Variants in TEX14 observed in about 807,000 individuals in gnomAD.
TEX14 encodes the protein testis expressed 14, intercellular bridge forming factor.
In TEX14, 168 loss-of-function variants were observed where a neutral mutation model predicts 178.6. That is an observed-to-expected ratio of 0.94 (90% CI 0.83 to 1.07). The LOEUF (loss-of-function observed/expected upper bound fraction) is 1.07, where lower values mean the gene tolerates loss of function less well. TEX14 is among the 50% of genes least tolerant of loss of function. The pLI, the probability that TEX14 is intolerant of heterozygous loss-of-function variation, is 0.00. For missense variants in TEX14, 1,730 were observed against 1,753.6 expected, an observed-to-expected ratio of 0.99 and a Z score of 0.24; for synonymous variants, 626 against 634.1, an observed-to-expected ratio of 0.99 and a Z score of 0.19.
At chr17:58,602,052 T>C in intron 12 of TEX14, 96 bp from the exon 13 acceptor site, 1 of 1,326,162 alleles carries the variant, frequency 7.5e-7, no homozygotes, top group Non-Finnish European at 1.1e-6. Context: ...AAACTCCCTC[T>C]TATTCCTGTT....
chr17:58,618,031 C>T (rs574685960), intron 5 of TEX14, among the ~76,000 whole-genome samples: 16 of 152,334 alleles, frequency 1.1e-4, no homozygotes, highest in East Asian at 5.8e-4. Context: ...TTGCCAGCCA[C>T]GTAAGCGAGC....
chr17:58,618,285 C>T (rs1368654421), intron 5 of TEX14, among the ~76,000 whole-genome samples: 1 of 152,152 alleles, frequency 6.6e-6, no homozygotes, highest in Non-Finnish European at 1.5e-5. Context: ...TTGGAAATAA[C>T]CATAAGCACA....
chr17:58,649,540 T>C (rs1598417684), intron 2 of TEX14, among the ~76,000 whole-genome samples: 1 of 152,220 alleles, frequency 6.6e-6, no homozygotes, highest in Admixed American at 6.5e-5. Context: ...CAGGTACACA[T>C]GTTAACCCCA....
intron 1 of TEX14, among the ~76,000 whole-genome samples, chr17:58,681,886 T>A (rs566265177): frequency 6.6e-6 from 1 of 151,682 alleles, no homozygotes; most frequent in East Asian, 1.9e-4. Context: ...AGAAATCTGG[T>A]GGAACAACTC....
chr17:58,652,119 G>A, intron 1 of TEX14, 117 bp from the exon 2 acceptor site: 2 of 733,576 alleles, frequency 2.7e-6, no homozygotes, highest in Non-Finnish European at 4.1e-6. Flanking sequence ...TGAAGATTAG[G>A]GGAATAATTA....
chr17:58,584,430 A>G (rs1271950535), intron 19 of TEX14, 70 bp downstream of exon 19: 13 of 1,167,464 alleles, frequency 1.1e-5, no homozygotes, highest in Admixed American at 5.1e-5. Context: ...GTCATAACAC[A>G]TAACAATAAC....
In TEX14 at chr17:58,602,543, C is replaced by T. The variant is rs34960869; in HGVS notation, c.1384G>A (p.Val462Ile). The change falls in exon 12 of 32, where the codon GTA (valine) becomes ATA (isoleucine). Residue 462 changes from valine to isoleucine, a missense_variant. By Grantham distance (29) the Val-to-Ile change is conservative. Around this residue, in one of 2 missense-constraint regions of TEX14, gnomAD observed 789 missense variants for 681.2 expected, o/e 1.16. Transcript: ENST00000349033. ...GLDGSVVKKA[V>I]VSGNYLEADV... is the part of the protein sequence containing the mutation. ...GCTTCTAAATAATTCCCCGAGACTA[C>T]GGCTTTTTTAACAACTGAGCCATCT... 5.1e-5 allele frequency: 82 copies of T among 1,613,816 alleles called. 1 individual carries two copies. The African/African-American group carries it at 6.0e-4, about 12-fold the overall frequency.
chr17:58,651,941 C>A lies in TEX14; in HGVS notation c.61G>T (p.Asp21Tyr), dbSNP rs1268238236. ...TCATGAAGCTGAGCTTCCAGGGAGT[C>A]ATTTCTTAAGGTACCAAGTTGAACA... ...CPVQLGTLRN[D>Y]SLEAQLHEYV... The change falls in exon 2 of 32, where the codon GAC (aspartate) becomes TAC (tyrosine). Residue 21 changes from aspartate to tyrosine, a missense_variant. Physicochemically the swap from Asp to Tyr is radical, Grantham distance 160 (BLOSUM62 -3). Coordinates refer to ENST00000349033, the MANE Select transcript of TEX14 (RefSeq NM_031272.5). The A allele has an allele frequency of 6.2e-7, 1 of 1,613,330 alleles. No individual in the cohort carries two copies. The highest frequency in any genetic ancestry group is 8.5e-7 in the Non-Finnish European group (1 of 1,179,826).
At chr17:58,631,599 A>AAACC (rs1205727053) in intron 2 of TEX14, 1 of 148,696 alleles carries the variant, frequency 6.7e-6, no homozygotes, top group Admixed American at 6.7e-5. Context: ...AAACATGAGG[A>AAACC]AACCAACTAC....
chr17:58,629,251 G>A (rs141649117), intron 3 of TEX14, among the ~76,000 whole-genome samples: 1,714 of 152,090 alleles, frequency 0.011, 36 homozygotes, highest in African/African-American at 0.04. Flanking sequence ...CCAGGAGTTC[G>A]AGACCAGCCT....
Position 58,602,081 on chromosome 17 carries a change from C to T in TEX14, c.1528-125G>A, listed in dbSNP as rs1480995229. Reference sequence around the variant, plus strand: ...TCCTGTTGGGTAGACTGACTTTAGTCCTAATTAACTAGTTTATTGTTATTG... The same window carrying T: ...TCCTGTTGGGTAGACTGACTTTAGTTCTAATTAACTAGTTTATTGTTATTG... On this transcript the variant is annotated intron_variant, in intron 12 of 31. Coordinates refer to ENST00000349033, the MANE Select transcript of TEX14 (RefSeq NM_031272.5). The T allele has an allele frequency of 1.5e-5, 14 of 963,446 alleles. 1 individual carries two copies. The highest frequency in any genetic ancestry group is 8.0e-5 in the Admixed American group (3 of 37,620). 59.7% of individuals were successfully genotyped at this position (963,446 alleles called of 1,614,324 possible).
At position 58,599,490 on chromosome 17, in the gene TEX14, T is replaced by C. The variant is rs376931367; in HGVS notation, c.1855A>G (p.Ser619Gly). 3.2e-5 allele frequency: 52 copies of C among 1,605,264 alleles called. No individual in the cohort carries two copies. The South Asian group carries it at 5.5e-4, about 17-fold the overall frequency. Reference sequence around the variant, plus strand: ...GAGTAGATCTCGTTGATTTCGAAACTGCAGAGGCTTGGCTGACCTGTGCTG... The same window carrying C: ...GAGTAGATCTCGTTGATTTCGAAACCGCAGAGGCTTGGCTGACCTGTGCTG... The part of the protein sequence containing the change: ...SPSTGQPSLC[S>G]FEINEIYSGC... Residue 619 changes from serine (S) to glycine (G), a missense_variant, in exon 14 of 32, where the codon AGT becomes GGT. By Grantham distance (56) the Ser-to-Gly change is moderately conservative (BLOSUM62 0). Transcript: ENST00000349033.
chr17:58,614,798 C>T (rs1248421941), intron 8 of TEX14, among the ~76,000 whole-genome samples: 1 of 152,218 alleles, frequency 6.6e-6, no homozygotes, highest in Admixed American at 6.5e-5. Context: ...TCTGGAGATC[C>T]ATGAGCCTGT....
chr17:58,584,739 CAG>C, intron 18 of TEX14, 139 bp from the exon 19 acceptor site: 1 of 686,586 alleles, frequency 1.5e-6, no homozygotes, highest in Non-Finnish European at 2.5e-6. Flanking sequence ...AGGTTCAGTC[CAG>C]AGAGTAGAGA....
intron 26 of TEX14, among the ~76,000 whole-genome samples, chr17:58,567,113 G>A (rs1208037132): frequency 6.6e-6 from 1 of 152,186 alleles, no homozygotes; most frequent in Admixed American, 6.5e-5. Flanking sequence ...GTTGCAGTGA[G>A]CTGAGATCAC....
intron 28 of TEX14, among the ~76,000 whole-genome samples, chr17:58,563,970 T>C (rs913350838): frequency 4.0e-5 from 6 of 151,176 alleles, no homozygotes; most frequent in African/African-American, 1.5e-4. Context: ...CTCACACCCA[T>C]TAGGATGGCT....
chr17:58,569,233 T>C lies in TEX14; in HGVS notation c.3845A>G (p.Asp1282Gly), dbSNP rs1218608566. The stretch of plus-strand genomic sequence containing the variant: ...CTCCTGAGATGGTGGTGGCAGCTCA[T>C]CAATGTGATGCTGTGAGAAGGCTTC... ...KVEAFSQHHI[D>G]ELPPPSQELL... Residue 1282 changes from aspartate to glycine, a missense_variant, in exon 26 of 32, where the codon GAT (aspartate) becomes GGT (glycine). Around this residue, in one of 2 missense-constraint regions of TEX14, gnomAD observed 941 missense variants for 1,072.4 expected, o/e 0.88. Coordinates refer to ENST00000349033, the MANE Select transcript of TEX14 (RefSeq NM_031272.5). This position sits in a 1 kb window ranked among gnomAD's most constrained non-coding sequence, Gnocchi z 4.1. The C allele has an allele frequency of 6.2e-7, 1 of 1,614,090 alleles. No individual in the cohort carries two copies. Among genetic ancestry groups the C allele is most frequent in the Non-Finnish European group, 8.5e-7 (1 of 1,179,950 alleles).
At chr17:58,614,642 G>A (rs1369063962) in intron 8 of TEX14, among the ~76,000 whole-genome samples, 2 of 152,208 alleles carry the variant, frequency 1.3e-5, no homozygotes, top group African/African-American at 4.8e-5. Flanking sequence ...AAAGAAGAAT[G>A]TGGCCTCTCT....
At position 58,569,065 on chromosome 17, in the gene TEX14, T is replaced by G; in HGVS notation, c.3886+127A>C. 1 of 718,700 alleles carries G rather than the reference T, an allele frequency of 1.4e-6. No individual in the cohort carries two copies. Among genetic ancestry groups the G allele is most frequent in the South Asian group, 2.9e-5 (1 of 34,888 alleles). 44.5% of individuals were successfully genotyped at this position (718,700 alleles called of 1,614,324 possible). A position where few individuals can be genotyped will look rare whatever the true frequency, so the allele number is the denominator to read the frequency against. On this transcript the variant is annotated intron_variant, in intron 26 of 31. Coordinates refer to ENST00000349033, the MANE Select transcript of TEX14 (RefSeq NM_031272.5). This position sits in a 1 kb window ranked among gnomAD's most constrained non-coding sequence, Gnocchi z 4.1. ...TAAATTTTGGAAAACTGCCCCTTCC[T>G]ATATTCAACCAGGCCATCATACAGC...
Sources: gnomAD v4.1 joint callset for allele counts (sites outside exome capture counted in the v4.1 genomes callset) on GRCh38, gnomAD v4.1.1 for gene constraint, gnomAD v4.1.1 regional missense constraint, Gnocchi (gnomAD v3.1) non-coding constraint, MANE v1.5 for transcripts, NCBI Gene and HGNC (gene_info 2026-07-23, HGNC 2026-07-21) for gene names.